The following SLC16A7 variants were observed in gnomAD, a reference collection of about 807,000 sequenced individuals.
The protein encoded by SLC16A7 is solute carrier family 16 member 7.
Under a neutral mutation model 34.9 loss-of-function variants are expected in SLC16A7, and 33 were observed. That is an observed-to-expected ratio of 0.94 (90% CI 0.72 to 1.26). SLC16A7 has a LOEUF of 1.26. SLC16A7 is among the 50% of genes most tolerant of loss of function. The pLI is 0.00. For synonymous variants in SLC16A7, 201 were observed against 206.6 expected (o/e 0.97, Z 0.23); for missense variants, 573 against 578.1 (o/e 0.99, Z 0.09).
intron 2 of SLC16A7, among the ~76,000 whole-genome samples, chr12:59,695,225 A>G (rs780905957): frequency 6.6e-6 from 1 of 152,032 alleles, no homozygotes; most frequent in Admixed American, 6.6e-5. Context: ...CTTTGCCTTG[A>G]AGCCAGGGAA....
chr12:59,779,905 T>C lies in SLC16A7; in HGVS notation c.*226T>C. The C allele has an allele frequency of 2.4e-6, 1 of 413,042 alleles. No individual in the cohort carries two copies. Among genetic ancestry groups the C allele is most frequent in the East Asian group, 4.4e-5 (1 of 22,480 alleles). The allele number at this position is 413,042 out of a possible 1,614,324, so 25.6% of individuals were successfully genotyped here. On this transcript the variant is annotated 3_prime_UTR_variant, in exon 6 of 6. Coordinates refer to ENST00000547379, the MANE Select transcript of SLC16A7 (RefSeq NM_001270623.2). ...GCATAGAAAGAATCCATGCTATAGG[T>C]TTATTTCCATACCTGACTCTGGGTG...
At chr12:59,762,827 A>C (rs1281071148) in intron 3 of SLC16A7, among the ~76,000 whole-genome samples, 1 of 141,988 alleles carries the variant, frequency 7.0e-6, no homozygotes, top group East Asian at 2.2e-4. Context: ...TTTCTCAAAA[A>C]AAAAAAAATC....
At chr12:59,733,624 C>T in intron 3 of SLC16A7, 1 of 436,344 alleles carries the variant, frequency 2.3e-6, no homozygotes, top group Non-Finnish European at 4.6e-6. Context: ...CAAAGGGCCA[C>T]AGCTCCTCTC....
intron 3 of SLC16A7, among the ~76,000 whole-genome samples, chr12:59,713,311 C>T (rs1874477583): frequency 6.6e-6 from 1 of 152,140 alleles, no homozygotes; most frequent in African/African-American, 2.4e-5. Flanking sequence ...TGAGCCACCG[C>T]ACCCAGCTGA....
intron 3 of SLC16A7, chr12:59,719,819 T>G (rs1042708738): frequency 5.3e-6 from 2 of 375,096 alleles, no homozygotes. Context: ...ATTTGCACTT[T>G]CCAGGATTCT....
At chr12:59,671,961 ATG>A (rs1344572503) in intron 2 of SLC16A7, among the ~76,000 whole-genome samples, 3 of 70,954 alleles carry the variant, frequency 4.2e-5, no homozygotes, top group African/African-American at 1.4e-4. Context: ...ATATGTATAT[ATG>A]TGTATATATC....
chr12:59,672,284 ATATATATGTG>A (rs1869941198), intron 2 of SLC16A7, among the ~76,000 whole-genome samples: 1 of 144,250 alleles, frequency 6.9e-6, no homozygotes, highest in Admixed American at 7.2e-5. Context: ...ATATATGTGT[ATATATATGTG>A]TATATATATA....
intron 1 of SLC16A7, among the ~76,000 whole-genome samples, chr12:59,646,071 C>T (rs1868248307): frequency 6.6e-6 from 1 of 152,124 alleles, no homozygotes; most frequent in South Asian, 2.1e-4. Context: ...GGAAAATTTT[C>T]AGCCTAACAA....
chr12:59,702,946 A>G (rs748121301), intron 2 of SLC16A7, among the ~76,000 whole-genome samples: 4 of 152,038 alleles, frequency 2.6e-5, no homozygotes, highest in Non-Finnish European at 5.9e-5. Flanking sequence ...TATCTCTGAA[A>G]TTTGTCACAT....
At chr12:59,684,055 A>G (rs192347667) in intron 2 of SLC16A7, among the ~76,000 whole-genome samples, 1 of 152,338 alleles carries the variant, frequency 6.6e-6, no homozygotes, top group East Asian at 1.9e-4. Flanking sequence ...CACAATGCCA[A>G]TGTGGTGAGA....
chr12:59,606,408 ATCATTCTGTT>A (rs1453698188), intron 1 of SLC16A7, among the ~76,000 whole-genome samples: 1 of 152,218 alleles, frequency 6.6e-6, no homozygotes, highest in African/African-American at 2.4e-5. Context: ...CAAGACAATA[ATCATTCTGTT>A]ATAATGACTT....
intron 3 of SLC16A7, chr12:59,761,188 C>G (rs1306398577): frequency 7.9e-7 from 1 of 1,270,430 alleles, no homozygotes; most frequent in Non-Finnish European, 1.0e-6. Context: ...TTTACTCAAT[C>G]AGGATCATGC....
chr12:59,647,440 A>G (rs1230662236), intron 1 of SLC16A7, among the ~76,000 whole-genome samples: 2 of 152,136 alleles, frequency 1.3e-5, no homozygotes, highest in Non-Finnish European at 2.9e-5. Flanking sequence ...CCCTTCCACC[A>G]TGATTGTAAG....
intron 3 of SLC16A7, among the ~76,000 whole-genome samples, chr12:59,763,772 G>T (rs1361067686): frequency 6.6e-6 from 1 of 152,006 alleles, no homozygotes; most frequent in Non-Finnish European, 1.5e-5. Context: ...TCACATTTTG[G>T]TAATTCTCAC....
At chr12:59,691,173 T>C (rs934393567) in intron 2 of SLC16A7, among the ~76,000 whole-genome samples, 1 of 151,986 alleles carries the variant, frequency 6.6e-6, no homozygotes, top group African/African-American at 2.4e-5. Flanking sequence ...TATGTAAATA[T>C]ATGTACATTA....
intron 2 of SLC16A7, among the ~76,000 whole-genome samples, chr12:59,672,503 C>T (rs1869965877): frequency 6.6e-6 from 1 of 151,914 alleles, no homozygotes; most frequent in Admixed American, 6.6e-5. Context: ...TTGACTACTT[C>T]CAGTCCCACA....
At chr12:59,659,886 C>T (rs77639064) in intron 2 of SLC16A7, among the ~76,000 whole-genome samples, 4 of 151,954 alleles carry the variant, frequency 2.6e-5, no homozygotes, top group African/African-American at 7.2e-5. Flanking sequence ...TGGAATGGAT[C>T]GAAGTGTTAT....
intron 1 of SLC16A7, among the ~76,000 whole-genome samples, chr12:59,643,293 G>T (rs895566968): frequency 6.6e-6 from 1 of 152,092 alleles, no homozygotes; most frequent in African/African-American, 2.4e-5. Context: ...TTGAAAGTCT[G>T]TACTTACACT....
At chr12:59,629,258 T>C (rs993989917) in intron 1 of SLC16A7, among the ~76,000 whole-genome samples, 1 of 151,806 alleles carries the variant, frequency 6.6e-6, no homozygotes, top group Non-Finnish European at 1.5e-5. Flanking sequence ...AAATATGAAT[T>C]TTGGGGGAAC....
Sources: allele counts gnomAD v4.1 joint callset (sites outside exome capture counted in the v4.1 genomes callset), GRCh38; gene constraint gnomAD v4.1.1; transcripts MANE v1.5; gene names NCBI Gene and HGNC (gene_info 2026-07-23, HGNC 2026-07-21).